Variants in MORC1 observed in about 807,000 individuals in gnomAD.
MORC1 encodes MORC family CW-type zinc finger protein 1.
In MORC1, 59 loss-of-function variants were observed where a neutral mutation model predicts 134.9. That is an observed-to-expected ratio of 0.44 (90% CI 0.35 to 0.54). The LOEUF is 0.54. Among genes scored for constraint, MORC1 ranks in the 20% least tolerant of loss-of-function variants. The probability of loss-of-function intolerance (pLI) is 0.00; values close to 1 mark genes in which losing one functional copy is unlikely to be tolerated. For missense variants in MORC1, 947 were observed against 1,134.5 expected (o/e 0.83, Z 2.37); for synonymous variants, 395 against 391.7 (o/e 1.01, Z -0.10).
chr3:109,064,285 G>C (rs1950148958), intron 9 of MORC1, among the ~76,000 whole-genome samples: 1 of 151,986 alleles, frequency 6.6e-6, no homozygotes, highest in South Asian at 2.1e-4. Flanking sequence ...TTGGTTATTT[G>C]ATTTTTCCCC....
intron 23 of MORC1, among the ~76,000 whole-genome samples, chr3:108,982,726 T>TAAAAAAAAAAAAAAAA (rs72358419): frequency 8.5e-6 from 1 of 117,862 alleles, no homozygotes; most frequent in Admixed American, 8.6e-5. Context: ...ACTTAAAGTA[T>TAAAAAAAAAAAAAAAA]AAAAAAAAAA....
At chr3:108,985,188 T>C (rs1282785565) in intron 22 of MORC1, among the ~76,000 whole-genome samples, 1 of 152,148 alleles carries the variant, frequency 6.6e-6, no homozygotes, top group African/African-American at 2.4e-5. Flanking sequence ...CGATGAAAAA[T>C]GTGTCTCCAG....
At chr3:109,006,785 T>TA (rs1269874312) in intron 18 of MORC1, among the ~76,000 whole-genome samples, 1 of 152,202 alleles carries the variant, frequency 6.6e-6, no homozygotes, top group African/African-American at 2.4e-5. Flanking sequence ...ATACATTATT[T>TA]AAAAAGGTTT....
chr3:109,067,110 G>A (rs574607700), intron 9 of MORC1, among the ~76,000 whole-genome samples: 69 of 152,160 alleles, frequency 4.5e-4, no homozygotes, highest in African/African-American at 1.6e-3. Context: ...AGAACATAGC[G>A]TTAATGTCCC....
At chr3:109,027,994 T>A in intron 16 of MORC1, 105 bp from the exon 17 acceptor site, 7 of 1,214,574 alleles carry the variant, frequency 5.8e-6, no homozygotes, top group Non-Finnish European at 6.7e-6. Flanking sequence ...TTATGTCATA[T>A]ATCCAAAATT....
In MORC1 at chr3:109,056,223, T is replaced by TTTTA. The variant is rs147621015; in HGVS notation, c.1175+1116_1175+1119dup. Among the ~76,000 whole-genome samples, 1,867 of 151,994 alleles carry TTTTA rather than the reference T, an allele frequency of 0.012. 105 individuals carry two copies. The East Asian group carries it at 0.13, about 11-fold the overall frequency. On this transcript the variant is annotated intron_variant, in intron 13 of 27. Coordinates refer to ENST00000232603, the MANE Select transcript of MORC1 (RefSeq NM_014429.4). ...AAGCAAGAAATCCAACTAATCTAGG[T>TTTTA]TTTATTTATTTATTTATTTTTTGAG...
intron 17 of MORC1, among the ~76,000 whole-genome samples, chr3:109,007,617 C>A (rs1373101928): frequency 6.6e-6 from 1 of 152,146 alleles, no homozygotes; most frequent in African/African-American, 2.4e-5. Flanking sequence ...AATGACTTTC[C>A]CAACCTTGTC....
intron 14 of MORC1, 137 bp downstream of exon 14, chr3:109,054,591 C>G: frequency 1.4e-6 from 1 of 732,062 alleles, no homozygotes; most frequent in Non-Finnish European, 2.0e-6. Context: ...CTTCTCACTC[C>G]TGTTTTTAAA....
rs2107533857 is a variant in MORC1, at chr3:109,005,385, C to T, written c.1768-70G>A. ...ATTTATAATTAATCACCACTTCTCT[C>T]ATAACCTCATTATAATAGGTATTTC... On this transcript the variant is annotated intron_variant, in intron 18 of 27. Coordinates refer to ENST00000232603, the MANE Select transcript of MORC1 (RefSeq NM_014429.4). 6 of 1,379,846 alleles carry T rather than the reference C, an allele frequency of 4.3e-6. No homozygotes were observed. The East Asian group carries it at 1.4e-4, about 32-fold the overall frequency. 85.5% of individuals were successfully genotyped at this position (1,379,846 alleles called of 1,614,324 possible).
In MORC1 at chr3:109,003,432, C is replaced by T. The variant is rs1460893713; in HGVS notation, c.2085+1385G>A. 2.0e-5 allele frequency among the ~76,000 whole-genome samples: 3 copies of T among 150,332 alleles called. No homozygotes were observed. In the East Asian group the frequency reaches 5.8e-4, roughly 29 times the overall value. The stretch of plus-strand genomic sequence containing the variant: ...ACACACACACACACACACACACACG[C>T]ATGCATACTGAGTCCCTGTATTTAA... On this transcript the variant is annotated intron_variant, in intron 20 of 27. Transcript: ENST00000232603.
chr3:108,971,448 G>A (rs777002901), intron 24 of MORC1, 46 bp from the exon 25 acceptor site: 2 of 1,527,470 alleles, frequency 1.3e-6, no homozygotes, highest in South Asian at 2.3e-5. Context: ...TAGGATAACA[G>A]AGGTAGCACT....
At chr3:109,076,543 C>A (rs972027369) in intron 8 of MORC1, among the ~76,000 whole-genome samples, 2 of 152,268 alleles carry the variant, frequency 1.3e-5, no homozygotes, top group East Asian at 3.9e-4. Context: ...TTTATTGCAG[C>A]ACTATTCACA....
intron 25 of MORC1, among the ~76,000 whole-genome samples, chr3:108,969,967 G>T (rs901189828): frequency 6.6e-6 from 1 of 152,148 alleles, no homozygotes; most frequent in African/African-American, 2.4e-5. Context: ...AAAAAATTGT[G>T]CAGATACAAA....
intron 16 of MORC1, among the ~76,000 whole-genome samples, chr3:109,031,981 T>A (rs1405713695): frequency 1.3e-5 from 2 of 152,014 alleles, no homozygotes; most frequent in African/African-American, 4.8e-5. Flanking sequence ...ATGAAAGGGG[T>A]TTTAGCAGCA....
chr3:109,108,436 C>G (rs568781559), intron 3 of MORC1, among the ~76,000 whole-genome samples: 4 of 151,764 alleles, frequency 2.6e-5, no homozygotes, highest in Non-Finnish European at 5.9e-5. Context: ...TGAAAGGCAG[C>G]TTACATCTGT....
chr3:109,059,960 G>C (rs922151690), intron 11 of MORC1, 90 bp from the exon 12 acceptor site: 52 of 1,065,360 alleles, frequency 4.9e-5, no homozygotes, highest in Non-Finnish European at 6.5e-5. Flanking sequence ...AATGTTTCAA[G>C]GGTAACAATA....
At chr3:109,041,774 A>T (rs993380556) in intron 14 of MORC1, among the ~76,000 whole-genome samples, 1 of 152,098 alleles carries the variant, frequency 6.6e-6, no homozygotes, top group Non-Finnish European at 1.5e-5. Context: ...TTGAACCAGA[A>T]GGCGGAGGTT....
chr3:109,016,701 A>G (rs1010363853), intron 17 of MORC1, among the ~76,000 whole-genome samples: 3 of 151,894 alleles, frequency 2.0e-5, no homozygotes, highest in Non-Finnish European at 4.4e-5. Flanking sequence ...TGTCTCTACT[A>G]AAAAATACAA....
chr3:109,039,999 C>G (rs796221397), intron 14 of MORC1, among the ~76,000 whole-genome samples: 1 of 151,956 alleles, frequency 6.6e-6, no homozygotes, highest in Non-Finnish European at 1.5e-5. Context: ...AGTCACTGCA[C>G]GTGTCCAGGC....
Sources: allele counts gnomAD v4.1 joint callset (sites outside exome capture counted in the v4.1 genomes callset), GRCh38; gene constraint gnomAD v4.1.1; transcripts MANE v1.5; gene names NCBI Gene and HGNC (gene_info 2026-07-23, HGNC 2026-07-21).